Variants in TRPM3 observed in about 807,000 individuals in gnomAD.
TRPM3 encodes the protein transient receptor potential cation channel subfamily M member 3.
Under a neutral mutation model 181.2 loss-of-function variants are expected in TRPM3, and 77 were observed. The ratio of observed to expected loss-of-function variants is 0.42; its 90% CI spans 0.35 to 0.51. The LOEUF (loss-of-function observed/expected upper bound fraction) is 0.51, where lower values mean the gene tolerates loss of function less well. Among genes scored for constraint, TRPM3 ranks in the 20% least tolerant of loss-of-function variants. TRPM3 has a pLI of 0.01. For missense variants in TRPM3, 1,759 were observed against 2,196.7 expected, an observed-to-expected ratio of 0.80 and a Z score of 3.98; for synonymous variants, 745 against 796.4, an observed-to-expected ratio of 0.94 and a Z score of 1.09.
intron 1 of TRPM3, among the ~76,000 whole-genome samples, chr9:71,266,143 A>G (rs144528371): frequency 6.6e-6 from 1 of 152,310 alleles, no homozygotes; most frequent in East Asian, 1.9e-4. Flanking sequence ...CTCTGTTTTC[A>G]TATTGTAGCT....
chr9:70,647,565 A>T (rs911870268), intron 9 of TRPM3, among the ~76,000 whole-genome samples: 1 of 152,216 alleles, frequency 6.6e-6, no homozygotes, highest in South Asian at 2.1e-4. Context: ...GCCATCTATG[A>T]TAAACCTACA....
intron 21 of TRPM3, 65 bp downstream of exon 21, chr9:70,598,354 C>A: frequency 6.4e-7 from 1 of 1,572,412 alleles, no homozygotes; most frequent in South Asian, 1.2e-5. Context: ...AATTATTTCC[C>A]TCTATCTATT....
intron 1 of TRPM3, among the ~76,000 whole-genome samples, chr9:70,934,373 T>C (rs2096803963): frequency 6.6e-6 from 1 of 152,162 alleles, no homozygotes; most frequent in Non-Finnish European, 1.5e-5. Context: ...TTCATGTGAC[T>C]GTTATGTGGT....
chr9:71,351,261 T>C (rs1448394661), intron 1 of TRPM3, among the ~76,000 whole-genome samples: 3 of 152,222 alleles, frequency 2.0e-5, no homozygotes, highest in African/African-American at 7.2e-5. Context: ...CCAGCTACTA[T>C]CTATTTAGAA....
intron 9 of TRPM3, among the ~76,000 whole-genome samples, chr9:70,654,842 T>C (rs1243362537): frequency 1.3e-5 from 2 of 151,632 alleles, no homozygotes; most frequent in Admixed American, 6.6e-5. Context: ...GCACCACGCC[T>C]GGCTAATTTT....
In TRPM3 at chr9:71,220,476, T is replaced by G. The variant is rs7865091; in HGVS notation, c.183+226177A>C. On this transcript the variant is annotated intron_variant, in intron 1 of 24. Transcript: ENST00000357533. ...TGTACTTCCAATAGCCTTTATTAAC[T>G]AATTTAAGGGCCAACTGAAATTTTC... is the stretch of plus-strand genomic sequence containing the variant. Among the ~76,000 whole-genome samples, 5 of 151,862 alleles carry G rather than the reference T, an allele frequency of 3.3e-5. No homozygotes were observed. The East Asian group carries it at 9.7e-4, about 29-fold the overall frequency.
At chr9:70,804,331 G>GAAACA (rs139470888) in intron 6 of TRPM3, among the ~76,000 whole-genome samples, 37 of 152,014 alleles carry the variant, frequency 2.4e-4, no homozygotes, top group African/African-American at 4.8e-4. Context: ...AACAAACAAA[G>GAAACA]AAACAAAACA....
At chr9:71,155,028 T>C (rs2075915231) in intron 1 of TRPM3, among the ~76,000 whole-genome samples, 3 of 152,144 alleles carry the variant, frequency 2.0e-5, no homozygotes, top group South Asian at 4.1e-4. Context: ...ATGGAAAACA[T>C]AGTATTCTTC....
intron 1 of TRPM3, among the ~76,000 whole-genome samples, chr9:71,248,324 T>C (rs1048523040): frequency 3.9e-5 from 6 of 152,226 alleles, no homozygotes; most frequent in Non-Finnish European, 5.9e-5. Flanking sequence ...GGGAGTTGGC[T>C]GCAGGGCCTC....
intron 9 of TRPM3, among the ~76,000 whole-genome samples, chr9:70,658,808 C>A (rs1042123387): frequency 6.6e-6 from 1 of 151,944 alleles, no homozygotes; most frequent in African/African-American, 2.4e-5. Context: ...AGGGAAAAAA[C>A]TTTCAGGACT....
chr9:71,293,145 T>G (rs1029883006), intron 1 of TRPM3, among the ~76,000 whole-genome samples: 1 of 151,666 alleles, frequency 6.6e-6, no homozygotes, highest in African/African-American at 2.4e-5. Context: ...AAATACAACT[T>G]CATCTTGATA....
At chr9:70,569,514 G>A (rs2051631347) in intron 22 of TRPM3, among the ~76,000 whole-genome samples, 1 of 152,180 alleles carries the variant, frequency 6.6e-6, no homozygotes, top group African/African-American at 2.4e-5. Context: ...CGGTTGCCAT[G>A]GATATGCACT....
At chr9:71,331,464 T>C (rs957320455) in intron 1 of TRPM3, among the ~76,000 whole-genome samples, 5 of 151,890 alleles carry the variant, frequency 3.3e-5, no homozygotes, top group Admixed American at 6.6e-5. Context: ...TCATTTCTCA[T>C]CTACATTTTA....
At chr9:71,099,361 G>T (rs1262716018) in intron 1 of TRPM3, among the ~76,000 whole-genome samples, 2 of 152,144 alleles carry the variant, frequency 1.3e-5, no homozygotes, top group Non-Finnish European at 2.9e-5. Context: ...TTAGGAATTA[G>T]AATTTCAACA....
intron 12 of TRPM3, among the ~76,000 whole-genome samples, chr9:70,632,162 T>A (rs1305469666): frequency 6.6e-6 from 1 of 152,222 alleles, no homozygotes; most frequent in African/African-American, 2.4e-5. Context: ...GTTCCCAAGA[T>A]TTTCTTAGCA....
chr9:71,166,498 A>C (rs1439707558), intron 1 of TRPM3, among the ~76,000 whole-genome samples: 1 of 152,088 alleles, frequency 6.6e-6, no homozygotes, highest in African/African-American at 2.4e-5. Flanking sequence ...CCAAGGCCAT[A>C]GTCTACTACT....
chr9:71,204,060 T>C (rs1206903648), intron 1 of TRPM3, among the ~76,000 whole-genome samples: 1 of 151,558 alleles, frequency 6.6e-6, no homozygotes, highest in Non-Finnish European at 1.5e-5. Context: ...CAAAAATTAA[T>C]TCAAGATGGA....
At chr9:71,107,210 C>A (rs1255135672) in intron 1 of TRPM3, among the ~76,000 whole-genome samples, 1 of 152,196 alleles carries the variant, frequency 6.6e-6, no homozygotes, top group East Asian at 1.9e-4. Context: ...CCACGACGTG[C>A]CCCTCTACTT....
At chr9:70,797,850 G>A (rs1320457058) in intron 6 of TRPM3, among the ~76,000 whole-genome samples, 2 of 152,096 alleles carry the variant, frequency 1.3e-5, no homozygotes, top group African/African-American at 4.8e-5. Flanking sequence ...CTGAAGATGT[G>A]CAGTGAGGTG....
Sources: allele counts gnomAD v4.1 joint callset (sites outside exome capture counted in the v4.1 genomes callset), GRCh38; gene constraint gnomAD v4.1.1; transcripts MANE v1.5; gene names NCBI Gene and HGNC (gene_info 2026-07-23, HGNC 2026-07-21).